Variants in EPHA7 observed in about 807,000 individuals in gnomAD.
EPHA7 encodes EPH receptor A7.
A neutral mutation model predicts 112.6 loss-of-function variants in EPHA7; 25 were observed. That is an observed-to-expected ratio of 0.22 (90% CI 0.16 to 0.31). EPHA7 has a LOEUF of 0.31. Ranked by LOEUF, EPHA7 falls within the 10% of genes least tolerant of loss-of-function variation. The pLI, the probability that EPHA7 is intolerant of heterozygous loss-of-function variation, is 1.00. For missense variants in EPHA7, 962 were observed against 1,212.6 expected (o/e 0.79, Z 3.07); for synonymous variants, 437 against 406.5 (o/e 1.07, Z -0.90).
At chr6:93,411,453 TTA>T (rs1441003809) in intron 2 of EPHA7, among the ~76,000 whole-genome samples, 1 of 152,182 alleles carries the variant, frequency 6.6e-6, no homozygotes, top group Non-Finnish European at 1.5e-5. Context: ...TTGCTTATGT[TTA>T]TGTTCTCCAT....
chr6:93,413,421 G>A (rs1345877758), intron 2 of EPHA7, among the ~76,000 whole-genome samples: 1 of 151,872 alleles, frequency 6.6e-6, no homozygotes, highest in Non-Finnish European at 1.5e-5. Flanking sequence ...TCTCCTCAGA[G>A]ATAAAACCAT....
intron 2 of EPHA7, among the ~76,000 whole-genome samples, chr6:93,412,624 G>C (rs1779031872): frequency 6.6e-6 from 1 of 152,128 alleles, no homozygotes; most frequent in African/African-American, 2.4e-5. Flanking sequence ...GTTTCAGTTA[G>C]CTGCCTACAA....
chr6:93,397,283 A>G (rs1169006023), intron 3 of EPHA7, among the ~76,000 whole-genome samples: 1 of 151,842 alleles, frequency 6.6e-6, no homozygotes, highest in Non-Finnish European at 1.5e-5. Flanking sequence ...AAGTTCCAAT[A>G]ATTTCAAATA....
rs556302988 is a variant in EPHA7, at chr6:93,251,570, T to G, written c.2532+3077A>C. On this transcript the variant is annotated intron_variant, in intron 14 of 16. Coordinates refer to ENST00000369303, the MANE Select transcript of EPHA7 (RefSeq NM_004440.4). ...CTTTTTATGCTAGTAGTATTTTTTC[T>G]TATATTACAATACATTAAAATACTA... Among the ~76,000 whole-genome samples, 19 of 151,526 alleles carry G rather than the reference T, an allele frequency of 1.3e-4. No homozygotes were observed. The South Asian group carries it at 2.7e-3, about 22-fold the overall frequency.
At chr6:93,275,263 T>A (rs186576390) in intron 5 of EPHA7, among the ~76,000 whole-genome samples, 23 of 151,946 alleles carry the variant, frequency 1.5e-4, no homozygotes, top group Admixed American at 3.3e-4. Context: ...ATGTTGTAAT[T>A]GGAATTATGT....
At chr6:93,369,756 A>G (rs1246801794) in intron 3 of EPHA7, among the ~76,000 whole-genome samples, 1 of 152,194 alleles carries the variant, frequency 6.6e-6, no homozygotes, top group Non-Finnish European at 1.5e-5. Context: ...CACAATGTCC[A>G]GCACATAGCA....
chr6:93,395,449 T>C (rs1428448234), intron 3 of EPHA7, among the ~76,000 whole-genome samples: 1 of 151,830 alleles, frequency 6.6e-6, no homozygotes, highest in Non-Finnish European at 1.5e-5. Context: ...AAGCTCTGCA[T>C]GTAAAATGTC....
At chr6:93,335,225 T>C (rs1010265588) in intron 5 of EPHA7, among the ~76,000 whole-genome samples, 1 of 152,066 alleles carries the variant, frequency 6.6e-6, no homozygotes, top group Non-Finnish European at 1.5e-5. Context: ...TTTTTTCTGC[T>C]TCCAAAAATG....
chr6:93,310,148 G>C (rs1017305676), intron 5 of EPHA7, among the ~76,000 whole-genome samples: 64 of 152,110 alleles, frequency 4.2e-4, no homozygotes, highest in African/African-American at 1.5e-3. Flanking sequence ...GGTGCTAAAA[G>C]GTTTTGGAAT....
chr6:93,270,933 C>T (rs1260871270), intron 6 of EPHA7, among the ~76,000 whole-genome samples: 1 of 151,382 alleles, frequency 6.6e-6, no homozygotes, highest in Non-Finnish European at 1.5e-5. Context: ...TTCTGTAAGG[C>T]CAAAAAATGA....
At chr6:93,319,710 G>A (rs1234056157) in intron 5 of EPHA7, among the ~76,000 whole-genome samples, 1 of 152,078 alleles carries the variant, frequency 6.6e-6, no homozygotes, top group Non-Finnish European at 1.5e-5. Context: ...ATCCAGATAG[G>A]AAATGCTGGG....
At chr6:93,323,019 C>A (rs9354005) in intron 5 of EPHA7, among the ~76,000 whole-genome samples, 26,713 of 151,208 alleles carry the variant, frequency 0.18, 2,758 homozygotes, top group East Asian at 0.34. Context: ...ATATGGTATT[C>A]AAAGGGGAAA....
chr6:93,405,781 A>G (rs1348792318), intron 3 of EPHA7, among the ~76,000 whole-genome samples: 1 of 83,586 alleles, frequency 1.2e-5, no homozygotes, highest in African/African-American at 5.0e-5. Context: ...ATTTCTGTAT[A>G]TATGTGTGTG....
chr6:93,334,106 A>G (rs569239702), intron 5 of EPHA7, among the ~76,000 whole-genome samples: 80 of 152,096 alleles, frequency 5.3e-4, no homozygotes, highest in South Asian at 6.2e-4. Flanking sequence ...AAAGCTGCAC[A>G]CCTATAGTCA....
chr6:93,243,694 C>A (rs570640564), intron 16 of EPHA7, among the ~76,000 whole-genome samples, 154 bp from the exon 17 acceptor site: 4 of 152,228 alleles, frequency 2.6e-5, no homozygotes, highest in African/African-American at 9.6e-5. Context: ...TGCAGCAGAT[C>A]AGAATTGTAA....
At chr6:93,286,220 T>G (rs1772056073) in intron 5 of EPHA7, among the ~76,000 whole-genome samples, 1 of 152,154 alleles carries the variant, frequency 6.6e-6, no homozygotes, top group South Asian at 2.1e-4. Flanking sequence ...CTATGTTTTA[T>G]TCAGTTGTTC....
chr6:93,260,935 G>A (rs1770660177), intron 9 of EPHA7, among the ~76,000 whole-genome samples: 1 of 151,662 alleles, frequency 6.6e-6, no homozygotes. Context: ...GATGGAGAAT[G>A]AGCCATCTTC....
At chr6:93,278,409 C>T (rs771005225) in intron 5 of EPHA7, among the ~76,000 whole-genome samples, 6 of 152,054 alleles carry the variant, frequency 3.9e-5, no homozygotes, top group Non-Finnish European at 5.9e-5. Flanking sequence ...ATTCCCCAAA[C>T]TGGCTGTCCT....
chr6:93,330,442 C>T (rs1376810069), intron 5 of EPHA7, among the ~76,000 whole-genome samples: 1 of 151,240 alleles, frequency 6.6e-6, no homozygotes, highest in Admixed American at 6.6e-5. Flanking sequence ...CTCTATCTTC[C>T]TCTCTCCCCT....
Sources: gnomAD v4.1 joint callset for allele counts (sites outside exome capture counted in the v4.1 genomes callset) on GRCh38, gnomAD v4.1.1 for gene constraint, MANE v1.5 for transcripts, NCBI Gene and HGNC (gene_info 2026-07-23, HGNC 2026-07-21) for gene names.